KAT2B: variants seen among roughly 807,000 people sequenced by gnomAD.
The protein encoded by KAT2B is histone acetyltransferase KAT2B.
Under a neutral mutation model 105.9 loss-of-function variants are expected in KAT2B, and 36 were observed. The ratio of observed to expected loss-of-function variants is 0.34; its 90% CI spans 0.26 to 0.45. KAT2B has a LOEUF of 0.45. Ranked by LOEUF, KAT2B falls within the 20% of genes least tolerant of loss-of-function variation. The pLI, the probability that KAT2B is intolerant of heterozygous loss-of-function variation, is 1.00. For missense variants in KAT2B, 820 were observed against 1,021.6 expected (o/e 0.80, Z 2.69); for synonymous variants, 397 against 377.9 (o/e 1.05, Z -0.59).
At chr3:20,048,583 T>C (rs1697856776) in intron 1 of KAT2B, among the ~76,000 whole-genome samples, 1 of 152,198 alleles carries the variant, frequency 6.6e-6, no homozygotes, top group Admixed American at 6.5e-5. Context: ...GTAAGATGCC[T>C]GGGAGCAGTC....
At chr3:20,041,262 G>A (rs1697714595) in intron 1 of KAT2B, among the ~76,000 whole-genome samples, 1 of 152,202 alleles carries the variant, frequency 6.6e-6, no homozygotes, top group African/African-American at 2.4e-5. Context: ...CCGGACTCCT[G>A]GCGCTTTGGG....
intron 1 of KAT2B, among the ~76,000 whole-genome samples, chr3:20,067,165 G>A (rs1698237876): frequency 6.6e-6 from 1 of 152,138 alleles, no homozygotes; most frequent in Non-Finnish European, 1.5e-5. Flanking sequence ...CTTTGTACTG[G>A]GATCCCAAGA....
At chr3:20,088,814 CG>C (rs1698665134) in intron 2 of KAT2B, among the ~76,000 whole-genome samples, 1 of 152,086 alleles carries the variant, frequency 6.6e-6, no homozygotes, top group Admixed American at 6.5e-5. Flanking sequence ...AAAATCTTTG[CG>C]AAGACCAATG....
At chr3:20,117,598 C>A (rs546756808) in intron 7 of KAT2B, among the ~76,000 whole-genome samples, 2 of 152,308 alleles carry the variant, frequency 1.3e-5, no homozygotes, top group South Asian at 4.1e-4. Context: ...ACTGGCTATT[C>A]AGTTAGAAGT....
chr3:20,094,350 A>C (rs759230001), intron 2 of KAT2B, among the ~76,000 whole-genome samples: 1 of 152,016 alleles, frequency 6.6e-6, no homozygotes, highest in South Asian at 2.1e-4. Context: ...CATGGGGGAA[A>C]CTGCCTCCAT....
intron 2 of KAT2B, 124 bp from the exon 3 acceptor site, chr3:20,095,139 C>T: frequency 1.4e-6 from 1 of 714,828 alleles, no homozygotes; most frequent in East Asian, 2.7e-5. Flanking sequence ...GAAATTTTCT[C>T]TTATTACCAG....
At position 20,153,298 on chromosome 3, in the gene KAT2B, A is replaced by G. The variant is rs184263350; in HGVS notation, c.*773A>G. The G allele has an allele frequency of 1.3e-5, 2 of 152,230 alleles. No individual in the cohort carries two copies. The highest frequency in any genetic ancestry group is 1.9e-4 in the East Asian group (1 of 5,198). The allele number at this position is 152,230 out of a possible 1,614,324, so 9.4% of individuals were successfully genotyped here. On this transcript the variant is annotated 3_prime_UTR_variant, in exon 18 of 18. Transcript: ENST00000263754. The stretch of plus-strand genomic sequence containing the variant: ...TTATGCAGGCCATAAGTTCCAAAAG[A>G]TAATTTCCCTGCCCACAAAGGCATA...
chr3:20,065,228 T>C (rs918321942), intron 1 of KAT2B, among the ~76,000 whole-genome samples: 2 of 152,156 alleles, frequency 1.3e-5, no homozygotes, highest in Non-Finnish European at 2.9e-5. Context: ...CTTGGGGGGA[T>C]GAAGTCATCT....
In KAT2B at chr3:20,152,324, C is replaced by A. The variant is rs1268705991; in HGVS notation, c.2306-8C>A. The A allele has an allele frequency of 4.4e-6, 7 of 1,594,438 alleles. No homozygotes were observed. The Admixed American group carries it at 1.2e-4, about 28-fold the overall frequency. ...CAAAGATTGCTAATATTTTTTTTTC[C>A]TGTGCAGATCTGAAAACCATGAGTG... On this transcript the variant is annotated splice_polypyrimidine_tract_variant and splice_region_variant and intron_variant, in intron 17 of 17. Transcript: ENST00000263754.
chr3:20,136,937 C>T lies in KAT2B; in HGVS notation c.1750-5C>T, dbSNP rs746528275. 18 of 1,543,692 alleles carry T rather than the reference C, an allele frequency of 1.2e-5. 1 individual carries two copies. The highest frequency in any genetic ancestry group is 1.7e-4 in the Middle Eastern group (1 of 5,892). ...GTATTTGTTTGTATACTAACTTCCACACAGGGCTATGGAACACACCTGATG... is the reference window on the plus strand; with the variant it reads ...GTATTTGTTTGTATACTAACTTCCATACAGGGCTATGGAACACACCTGATG... On this transcript the variant is annotated splice_polypyrimidine_tract_variant and splice_region_variant and intron_variant, in intron 11 of 17. Transcript: ENST00000263754.
At chr3:20,148,814 A>G (rs1699820662) in intron 17 of KAT2B, 1 of 221,412 alleles carries the variant, frequency 4.5e-6, no homozygotes, top group Non-Finnish European at 8.9e-6. Context: ...TTTGGTGCAA[A>G]TAGAAAAACA....
intron 1 of KAT2B, among the ~76,000 whole-genome samples, chr3:20,071,728 T>A (rs929671762): frequency 3.9e-5 from 6 of 152,146 alleles, no homozygotes; most frequent in African/African-American, 1.4e-4. Flanking sequence ...ACCTGGGAAA[T>A]GTACGTGTAA....
intron 1 of KAT2B, among the ~76,000 whole-genome samples, chr3:20,060,790 A>C (rs1698087293): frequency 6.6e-6 from 1 of 152,032 alleles, no homozygotes; most frequent in African/African-American, 2.4e-5. Context: ...AATAAAATAA[A>C]ATAAATTATC....
chr3:20,101,297 A>G lies in KAT2B; in HGVS notation c.680A>G (p.Asn227Ser). ...EKPSIEQGVN[N>S]FVQYKFSHLP... Reference sequence around the variant, plus strand: ...TTCCCTCTTTTTAAGGGTGTGAATAACTTTGTGCAGTACAAATTTAGTCAC... The same window carrying G: ...TTCCCTCTTTTTAAGGGTGTGAATAGCTTTGTGCAGTACAAATTTAGTCAC... The change falls in exon 5 of 18, where the codon AAC (asparagine) becomes AGC (serine). Residue 227 changes from asparagine (N) to serine (S), a missense_variant. Physicochemically the swap from Asn to Ser is conservative, Grantham distance 46. Transcript: ENST00000263754. 1 of 1,614,004 alleles carries G rather than the reference A, an allele frequency of 6.2e-7. No individual in the cohort carries two copies. The highest frequency in any genetic ancestry group is 8.5e-7 in the Non-Finnish European group (1 of 1,179,948).
At chr3:20,118,774 A>T (rs6771367) in intron 7 of KAT2B, among the ~76,000 whole-genome samples, 30,711 of 144,366 alleles carry the variant, frequency 0.21, 3,636 homozygotes, top group African/African-American at 0.28. Context: ...TATATATAAT[A>T]TATATATTTA....
At chr3:20,065,742 G>T (rs1698212211) in intron 1 of KAT2B, among the ~76,000 whole-genome samples, 1 of 149,768 alleles carries the variant, frequency 6.7e-6, no homozygotes. Flanking sequence ...AAACTCAAGG[G>T]ATTCTCATAT....
chr3:20,117,117 T>A (rs1259469886), intron 7 of KAT2B, among the ~76,000 whole-genome samples: 1 of 152,206 alleles, frequency 6.6e-6, no homozygotes, highest in Non-Finnish European at 1.5e-5. Context: ...GACCCTTGTT[T>A]GCTCAAAATT....
At chr3:20,116,832 A>G (rs1413395726) in intron 7 of KAT2B, among the ~76,000 whole-genome samples, 1 of 152,194 alleles carries the variant, frequency 6.6e-6, no homozygotes. Flanking sequence ...GGAGCAACAA[A>G]TTGCCCAAGA....
chr3:20,095,466 C>T, intron 3 of KAT2B, 58 bp downstream of exon 3: 1 of 1,248,814 alleles, frequency 8.0e-7, no homozygotes, highest in Non-Finnish European at 1.1e-6. Flanking sequence ...ACCCAGTCTC[C>T]ATATGCCAGG....
Sources: gnomAD v4.1 joint callset for allele counts (sites outside exome capture counted in the v4.1 genomes callset) on GRCh38, gnomAD v4.1.1 for gene constraint, MANE v1.5 for transcripts, NCBI Gene and HGNC (gene_info 2026-07-23, HGNC 2026-07-21) for gene names.